CC2D2B: variants seen among roughly 807,000 people sequenced by gnomAD.
The protein encoded by CC2D2B is coiled-coil and C2 domain containing 2B.
A neutral mutation model predicts 161.2 loss-of-function variants in CC2D2B; 128 were observed. That is an observed-to-expected ratio of 0.79 (90% confidence interval 0.69 to 0.92). The LOEUF is 0.92. Among genes scored for constraint, CC2D2B ranks in the 40% least tolerant of loss-of-function variants. The pLI is 0.00. For synonymous variants in CC2D2B, 391 were observed against 449.8 expected, an observed-to-expected ratio of 0.87 and a Z score of 1.65; for missense variants, 1,173 against 1,375.1, an observed-to-expected ratio of 0.85 and a Z score of 2.32.
intron 9 of CC2D2B, among the ~76,000 whole-genome samples, chr10:95,942,165 G>A (rs1391251306): frequency 6.6e-6 from 1 of 152,080 alleles, no homozygotes; most frequent in Admixed American, 6.6e-5. Flanking sequence ...AGGGGCTTGG[G>A]GAAGAGAGAA....
rs140933673 is a variant in CC2D2B at position 95,982,840 on chromosome 10, C to T, written c.2082+727C>T. On this transcript the variant is annotated intron_variant, in intron 18 of 34. Coordinates refer to ENST00000646931, the MANE Select transcript of CC2D2B (RefSeq NM_001349008.3). ...AGGCTGGAGTACAGTGGTGCGATCT[C>T]GGGTCACCACAACCTCCGCCTCCCA... 2.4e-4 allele frequency among the ~76,000 whole-genome samples: 36 copies of T among 152,252 alleles called. 1 individual carries two copies. The East Asian group carries it at 6.9e-3, about 29-fold the overall frequency.
At chr10:96,022,976 T>C (rs556043629) in intron 32 of CC2D2B, among the ~76,000 whole-genome samples, 116 of 152,230 alleles carry the variant, frequency 7.6e-4, no homozygotes, top group African/African-American at 2.6e-3. Flanking sequence ...TCCCGACAGA[T>C]AGCAGGAACA....
chr10:95,968,830 G>A lies in CC2D2B; in HGVS notation c.1573G>A (p.Asp525Asn). ...SCTSVSPLQF[D>N]FKVMFQQIFN... is the part of the protein sequence containing the mutation. Reference sequence around the variant, plus strand: ...TACTTCAGTATCTCCCCTACAGTTTGATTTTAAAGTCATGTTTCAGCAAAT... The same window carrying A: ...TACTTCAGTATCTCCCCTACAGTTTAATTTTAAAGTCATGTTTCAGCAAAT... The change falls in exon 15 of 35, where the codon GAT (aspartate) becomes AAT (asparagine). Residue 525 changes from aspartate to asparagine, a missense_variant. Asp to Asn is a conservative substitution (Grantham distance 23, BLOSUM62 1). Coordinates refer to ENST00000646931, the MANE Select transcript of CC2D2B (RefSeq NM_001349008.3). The A allele has an allele frequency of 8.2e-7, 1 of 1,222,248 alleles. No individual in the cohort carries two copies. The highest frequency in any genetic ancestry group is 1.0e-6 in the Non-Finnish European group (1 of 979,146). 75.7% of individuals were successfully genotyped at this position (1,222,248 alleles called of 1,614,324 possible).
chr10:96,019,539 T>C, intron 31 of CC2D2B, 163 bp from the exon 32 acceptor site: 1 of 816,132 alleles, frequency 1.2e-6, no homozygotes, highest in Non-Finnish European at 2.0e-6. Context: ...GGTAGTCTAA[T>C]GATCATGAAA....
chr10:96,017,987 T>G (rs79460066), intron 30 of CC2D2B, among the ~76,000 whole-genome samples: 1,819 of 152,152 alleles, frequency 0.012, 31 homozygotes, highest in African/African-American at 0.041. Context: ...ATCTCAGCCT[T>G]GTTTACTTCT....
rs556952250 is a variant in CC2D2B, at chr10:95,977,307, G to A, written c.1943+3151G>A. ...GGAGAATCGCTTGAACCTGGGAAGC[G>A]GTGATTGCAGTGAGCCAAGATCATG... On this transcript the variant is annotated intron_variant, in intron 17 of 34. Coordinates refer to ENST00000646931, the MANE Select transcript of CC2D2B (RefSeq NM_001349008.3). Among the ~76,000 whole-genome samples the A allele has an allele frequency of 2.7e-4, 41 of 152,208 alleles. No homozygotes were observed. The South Asian group carries it at 4.1e-3, about 15-fold the overall frequency.
At chr10:96,020,725 A>C (rs1260764791) in intron 32 of CC2D2B, 3 of 152,168 alleles carry the variant, frequency 2.0e-5, no homozygotes, top group African/African-American at 7.2e-5. Context: ...TAATCAAGTA[A>C]ATACAATTTA....
At position 95,991,428 on chromosome 10, in the gene CC2D2B, T is replaced by C; in HGVS notation, c.2438T>C (p.Ile813Thr). 4 of 1,135,316 alleles carry C rather than the reference T, an allele frequency of 3.5e-6. No individual in the cohort carries two copies. Among genetic ancestry groups the C allele is most frequent in the Non-Finnish European group, 4.4e-6 (4 of 899,142 alleles). The allele number at this position is 1,135,316 out of a possible 1,614,324, so 70.3% of individuals were successfully genotyped here. Residue 813 changes from isoleucine to threonine, a missense_variant, in exon 21 of 35, where the codon ATT (isoleucine) becomes ACT (threonine). Physicochemically the swap from Ile to Thr is moderately conservative, Grantham distance 89. This residue lies in a region of CC2D2B where 598 missense variants were observed against 693.2 expected (regional missense o/e 0.86). Transcript: ENST00000646931. Reference sequence around the variant, plus strand: ...ATTAGCAAATGTAACTTGTCAGATATTGTGAATGATTATGAAGAAATTGTA... The same window carrying C: ...ATTAGCAAATGTAACTTGTCAGATACTGTGAATGATTATGAAGAAATTGTA... ...VKISKCNLSD[I>T]VNDYEEIVST...
chr10:96,005,477 A>G (rs894893616), intron 25 of CC2D2B, among the ~76,000 whole-genome samples: 1 of 152,188 alleles, frequency 6.6e-6, no homozygotes, highest in African/African-American at 2.4e-5. Context: ...CTAAATGACT[A>G]GAGCCAGGCT....
At position 95,947,109 on chromosome 10, in the gene CC2D2B, ATATATTTTTTTTTTTTT is replaced by A. The variant is rs1194977167; in HGVS notation, c.802-2785_802-2769del. ...TATATATATATATATATATATATAT[ATATATTTTTTTTTTTTT>A]TTTTGAGACAAAGTATTGCTCTGTC... On this transcript the variant is annotated intron_variant, in intron 9 of 34. Coordinates refer to ENST00000646931, the MANE Select transcript of CC2D2B (RefSeq NM_001349008.3). Among the ~76,000 whole-genome samples the A allele has an allele frequency of 1.1e-3, 46 of 40,058 alleles. 3 individuals are homozygous for A. Among genetic ancestry groups the A allele is most frequent in the South Asian group, 0.011 (12 of 1,132 alleles). The allele number at this position is 40,058 out of a possible 152,430, so 26.3% of individuals were successfully genotyped here.
chr10:95,965,824 G>T, intron 12 of CC2D2B, 72 bp from the exon 13 acceptor site: 45 of 322,700 alleles, frequency 1.4e-4, no homozygotes, highest in South Asian at 3.0e-4. Flanking sequence ...TGTGTGTGTT[G>T]GCAAAATCTC....
At chr10:95,931,440 C>A (rs948419330) in intron 6 of CC2D2B, among the ~76,000 whole-genome samples, 6 of 152,102 alleles carry the variant, frequency 3.9e-5, no homozygotes, top group Admixed American at 3.9e-4. Context: ...AATTTGTTTG[C>A]TCATGCTTCT....
At chr10:95,956,098 CT>C (rs2141378688) in intron 11 of CC2D2B, among the ~76,000 whole-genome samples, 1 of 152,260 alleles carries the variant, frequency 6.6e-6, no homozygotes, top group South Asian at 2.1e-4. Flanking sequence ...CTTATTTAGC[CT>C]AAAATCTATC....
intron 9 of CC2D2B, among the ~76,000 whole-genome samples, chr10:95,947,839 C>G (rs2076276613): frequency 6.6e-6 from 1 of 152,094 alleles, no homozygotes; most frequent in Admixed American, 6.6e-5. Flanking sequence ...TAAGGACAAT[C>G]TGGTATCAAA....
chr10:95,916,515 A>T (rs768817826), intron 2 of CC2D2B, among the ~76,000 whole-genome samples: 1 of 151,848 alleles, frequency 6.6e-6, no homozygotes, highest in Admixed American at 6.6e-5. Context: ...CTTTTAAAAA[A>T]TTTTTTGACA....
At chr10:95,983,890 CT>C (rs954684558) in intron 19 of CC2D2B, 81 bp downstream of exon 19, 293 of 622,536 alleles carry the variant, frequency 4.7e-4, no homozygotes, top group South Asian at 6.0e-4. Flanking sequence ...TAATTTATTT[CT>C]TTTTTTTTAA....
intron 33 of CC2D2B, among the ~76,000 whole-genome samples, chr10:96,025,540 GTAA>G (rs1471919701): frequency 6.6e-6 from 1 of 152,066 alleles, no homozygotes; most frequent in Non-Finnish European, 1.5e-5. Context: ...GGAGCCTATA[GTAA>G]TAATAATGCA....
chr10:96,024,177 G>A (rs891179517), intron 32 of CC2D2B, among the ~76,000 whole-genome samples: 2 of 152,200 alleles, frequency 1.3e-5, no homozygotes, highest in South Asian at 2.1e-4. Context: ...TGGAAGAAAC[G>A]TGGAATAGCA....
chr10:95,986,316 A>C (rs973169575), intron 19 of CC2D2B, among the ~76,000 whole-genome samples: 50 of 151,118 alleles, frequency 3.3e-4, no homozygotes, highest in African/African-American at 1.1e-3. Flanking sequence ...ACTTAGGGAA[A>C]TAGAAAAGAA....
Sources: allele counts gnomAD v4.1 joint callset (sites outside exome capture counted in the v4.1 genomes callset), GRCh38; gene constraint gnomAD v4.1.1; regional missense constraint gnomAD v4.1.1; transcripts MANE v1.5; gene names NCBI Gene and HGNC (gene_info 2026-07-23, HGNC 2026-07-21).